Variants in PCDH15 observed in about 807,000 individuals in gnomAD.
PCDH15 encodes protocadherin-15.
PCDH15 carries 129 observed loss-of-function variants against 178.5 expected under a neutral mutation model. The observed-to-expected ratio is 0.72, with a 90% CI of 0.63 to 0.84. PCDH15 has a LOEUF of 0.84. Among genes scored for constraint, PCDH15 ranks in the 40% least tolerant of loss-of-function variants. PCDH15 has a pLI of 0.00. For missense variants in PCDH15, 2,230 were observed against 2,099.9 expected (o/e 1.06, Z -1.21); for synonymous variants, 800 against 732.0 (o/e 1.09, Z -1.50).
chr10:55,263,076 G>A (rs1012920851), intron 1 of PCDH15, among the ~76,000 whole-genome samples: 4 of 151,970 alleles, frequency 2.6e-5, no homozygotes, highest in Non-Finnish European at 4.4e-5. Flanking sequence ...TTCCTGTTTC[G>A]ACTGGGTCTC....
At chr10:54,522,556 C>A (rs1458018796) in intron 3 of PCDH15, among the ~76,000 whole-genome samples, 1 of 152,212 alleles carries the variant, frequency 6.6e-6, no homozygotes. Flanking sequence ...GAAACAGCAT[C>A]ACTGCCTCCT....
In PCDH15 at chr10:55,600,115, A is replaced by G. The variant is rs1401525147; in HGVS notation, c.-156+27510T>C. 6 of 392,990 alleles carry G rather than the reference A, an allele frequency of 1.5e-5. No individual in the cohort carries two copies. In the South Asian group the frequency reaches 3.4e-4, roughly 22 times the overall value. 24.3% of individuals were successfully genotyped at this position (392,990 alleles called of 1,614,324 possible). ...CACAGTGGCTCACGCCTGTAATCCC[A>G]GCACTTTGGGAGGCCGAGGTGGGTG... On this transcript the variant is annotated intron_variant, in intron 2 of 5. Transcript: ENST00000613346.
chr10:53,990,575 A>G (rs1031518799), intron 21 of PCDH15, among the ~76,000 whole-genome samples: 1 of 149,472 alleles, frequency 6.7e-6, no homozygotes, highest in Non-Finnish European at 1.5e-5. Context: ...TATTTCTCAC[A>G]ATGTTATATA....
rs1296608211 is a variant in PCDH15 at position 53,938,714 on chromosome 10, G to A, written c.3373+101C>T. The A allele has an allele frequency of 3.0e-5, 37 of 1,253,380 alleles. 1 individual carries two copies. In the East Asian group the frequency reaches 8.0e-4, roughly 27 times the overall value. 77.6% of individuals were successfully genotyped at this position (1,253,380 alleles called of 1,614,324 possible). Reference sequence around the variant, plus strand: ...CTCAGAGTATTAATGATCTTTCTATGTTGTCCACTGAGAATGATATTTTAG... The same window carrying A: ...CTCAGAGTATTAATGATCTTTCTATATTGTCCACTGAGAATGATATTTTAG... On this transcript the variant is annotated intron_variant, in intron 25 of 37. Transcript: ENST00000644397.
At chr10:55,379,736 G>C (rs1005545503) in intron 2 of PCDH15, among the ~76,000 whole-genome samples, 5 of 151,838 alleles carry the variant, frequency 3.3e-5, no homozygotes, top group Non-Finnish European at 7.4e-5. Context: ...TTTCTGATTT[G>C]GGCTCCTTGA....
chr10:54,161,077 T>A (rs1243442173), intron 13 of PCDH15, among the ~76,000 whole-genome samples: 1 of 152,140 alleles, frequency 6.6e-6, no homozygotes, highest in African/African-American at 2.4e-5. Flanking sequence ...TGTATATATA[T>A]TTACATTTCC....
chr10:54,133,052 A>G, intron 14 of PCDH15, 45 bp from the exon 15 acceptor site: 5 of 1,612,958 alleles, frequency 3.1e-6, no homozygotes, highest in Non-Finnish European at 3.4e-6. Flanking sequence ...AATCTGCATC[A>G]CATTTAATGT....
chr10:54,141,395 A>G (rs7477392), intron 14 of PCDH15, among the ~76,000 whole-genome samples: 10,640 of 152,218 alleles, frequency 0.07, 876 homozygotes, highest in African/African-American at 0.19. Flanking sequence ...ATGAGTTCTA[A>G]ACACAAATAG....
intron 6 of PCDH15, among the ~76,000 whole-genome samples, chr10:54,344,487 A>G (rs1942862267): frequency 6.6e-6 from 1 of 152,128 alleles, no homozygotes; most frequent in African/African-American, 2.4e-5. Flanking sequence ...CTCTCAAACT[A>G]TATCTAAACA....
At chr10:54,737,586 T>C (rs923519132) in intron 1 of PCDH15, among the ~76,000 whole-genome samples, 1 of 152,100 alleles carries the variant, frequency 6.6e-6, no homozygotes, top group Non-Finnish European at 1.5e-5. Flanking sequence ...GCCATTTTCT[T>C]ATTCTAATTT....
intron 18 of PCDH15, among the ~76,000 whole-genome samples, chr10:54,030,169 A>C (rs2093251758): frequency 6.6e-6 from 1 of 152,082 alleles, no homozygotes; most frequent in African/African-American, 2.4e-5. Context: ...CCCAGTGTGA[A>C]GCTGAGAGAG....
intron 8 of PCDH15, among the ~76,000 whole-genome samples, chr10:54,281,127 A>C (rs2058681221): frequency 6.6e-6 from 1 of 151,922 alleles, no homozygotes; most frequent in South Asian, 2.1e-4. Flanking sequence ...AATTATACGA[A>C]GGAGTACAGC....
At position 54,073,314 on chromosome 10, in the gene PCDH15, G is replaced by A. The variant is rs77329414; in HGVS notation, c.2091+6017C>T. 8.1e-3 allele frequency among the ~76,000 whole-genome samples: 1,227 copies of A among 151,522 alleles called. 54 individuals are homozygous for A. In the East Asian group the frequency reaches 0.14, roughly 17 times the overall value. On this transcript the variant is annotated intron_variant, in intron 17 of 37. Transcript: ENST00000644397. ...TTTTGCATGTTACATATATTGTAAA[G>A]ATTCACATATATGACTTAAATGTTT...
intron 1 of PCDH15, among the ~76,000 whole-genome samples, chr10:54,748,365 C>T (rs1945752016): frequency 6.6e-6 from 1 of 152,104 alleles, no homozygotes; most frequent in Non-Finnish European, 1.5e-5. Context: ...TTATCCCCTC[C>T]TGAATATTTA....
intron 3 of PCDH15, among the ~76,000 whole-genome samples, chr10:54,876,866 G>A (rs916241723): frequency 1.3e-5 from 2 of 152,120 alleles, no homozygotes; most frequent in East Asian, 3.9e-4. Context: ...AGTTGATAAA[G>A]CAATAGCAGA....
At chr10:54,767,148 AACTGTTTG>A (rs1948611830) in intron 1 of PCDH15, among the ~76,000 whole-genome samples, 1 of 152,100 alleles carries the variant, frequency 6.6e-6, no homozygotes, top group Non-Finnish European at 1.5e-5. Context: ...CAAAATACGT[AACTGTTTG>A]GCTCAAAATT....
intron 8 of PCDH15, among the ~76,000 whole-genome samples, chr10:54,290,821 G>A (rs1374835108): frequency 6.6e-6 from 1 of 152,182 alleles, no homozygotes; most frequent in Non-Finnish European, 1.5e-5. Flanking sequence ...AATGGTTAAA[G>A]GGATCAATTC....
intron 1 of PCDH15, among the ~76,000 whole-genome samples, chr10:55,274,273 T>C (rs909817538): frequency 6.6e-6 from 1 of 152,062 alleles, no homozygotes; most frequent in South Asian, 2.1e-4. Flanking sequence ...TTATGATGCA[T>C]GGAATTAGCA....
At chr10:55,157,125 ATATC>A (rs71014455) in intron 2 of PCDH15, among the ~76,000 whole-genome samples, 81,780 of 151,478 alleles carry the variant, frequency 0.54, 23,815 homozygotes, top group Non-Finnish European at 0.65. Context: ...CATTCTATCT[ATATC>A]TATCTATCTA....
Sources: allele counts gnomAD v4.1 joint callset (sites outside exome capture counted in the v4.1 genomes callset), GRCh38; gene constraint gnomAD v4.1.1; transcripts MANE v1.5; gene names NCBI Gene and HGNC (gene_info 2026-07-23, HGNC 2026-07-21).